The following CNTNAP4 variants were observed in gnomAD, a reference collection of about 807,000 sequenced individuals.
CNTNAP4 encodes the protein contactin associated protein family member 4.
Under a neutral mutation model 148.4 loss-of-function variants are expected in CNTNAP4, and 98 were observed. The observed-to-expected ratio is 0.66, with a 90% CI of 0.56 to 0.78. CNTNAP4 has a LOEUF of 0.78. CNTNAP4 is among the 30% of genes least tolerant of loss of function. The pLI, the probability that CNTNAP4 is intolerant of heterozygous loss-of-function variation, is 0.00. For missense variants in CNTNAP4, 1,935 were observed against 1,565.6 expected, an observed-to-expected ratio of 1.24 and a Z score of -3.98; for synonymous variants, 730 against 565.1, an observed-to-expected ratio of 1.29 and a Z score of -4.14.
At chr16:76,365,647 G>A (rs533651708) in intron 3 of CNTNAP4, among the ~76,000 whole-genome samples, 11 of 151,242 alleles carry the variant, frequency 7.3e-5, no homozygotes, top group East Asian at 5.9e-4. Flanking sequence ...AGCTACTTGC[G>A]AGGCTGAGGC....
At chr16:76,302,766 T>C (rs965421205) in intron 1 of CNTNAP4, among the ~76,000 whole-genome samples, 2 of 152,150 alleles carry the variant, frequency 1.3e-5, no homozygotes, top group African/African-American at 4.8e-5. Flanking sequence ...CCTAGGCCTA[T>C]ACAAGTGGCT....
At chr16:76,549,389 C>T (rs1568606589) in intron 21 of CNTNAP4, among the ~76,000 whole-genome samples, 1 of 152,092 alleles carries the variant, frequency 6.6e-6, no homozygotes, top group Admixed American at 6.5e-5. Flanking sequence ...TCCTGGTCCA[C>T]CCAGATCACC....
intron 2 of CNTNAP4, among the ~76,000 whole-genome samples, chr16:76,317,139 T>C (rs1047306649): frequency 1.3e-5 from 2 of 151,498 alleles, no homozygotes; most frequent in South Asian, 2.1e-4. Flanking sequence ...GATGCATGCC[T>C]GTAGTCCCAG....
intron 4 of CNTNAP4, chr16:76,432,673 G>A (rs4433831): frequency 0.36 from 54,546 of 152,036 alleles, 10,379 homozygotes; most frequent in Middle Eastern, 0.51. Flanking sequence ...ATGTCCTTAG[G>A]AAGCAGCAAT....
At chr16:76,318,114 G>T (rs1232353633) in intron 2 of CNTNAP4, among the ~76,000 whole-genome samples, 1 of 152,166 alleles carries the variant, frequency 6.6e-6, no homozygotes, top group African/African-American at 2.4e-5. Flanking sequence ...CTGTACCTAT[G>T]GACCCACCAG....
intron 3 of CNTNAP4, among the ~76,000 whole-genome samples, chr16:76,371,158 A>G (rs1194304269): frequency 6.6e-6 from 1 of 152,192 alleles, no homozygotes; most frequent in Non-Finnish European, 1.5e-5. Flanking sequence ...TTTGCTTTCT[A>G]TGTGGGAAAA....
In CNTNAP4 at chr16:76,558,176, G is replaced by T. The variant is rs149789329; in HGVS notation, c.3734-314G>T. The T allele has an allele frequency of 8.8e-3, 1,801 of 205,000 alleles. 44 individuals carry two copies. Among genetic ancestry groups the T allele is most frequent in the African/African-American group, 0.038 (1,679 of 43,732 alleles). The allele number at this position is 205,000 out of a possible 1,614,324, so 12.7% of individuals were successfully genotyped here. ...AAATAATTAAAACTAATATGAAGTGGCCACATGGCCACATGGTCCTAGAGA... is the reference window on the plus strand; with the variant it reads ...AAATAATTAAAACTAATATGAAGTGTCCACATGGCCACATGGTCCTAGAGA... On this transcript the variant is annotated intron_variant, in intron 23 of 23. Coordinates refer to ENST00000611870, the MANE Select transcript of CNTNAP4 (RefSeq NM_033401.5).
intron 3 of CNTNAP4, among the ~76,000 whole-genome samples, chr16:76,379,029 C>T (rs1271462964): frequency 1.3e-5 from 2 of 152,166 alleles, no homozygotes; most frequent in Non-Finnish European, 2.9e-5. Context: ...TCAGTTTCCT[C>T]ATCTGTAAAC....
chr16:76,506,698 A>G lies in CNTNAP4; in HGVS notation c.2365+8004A>G, dbSNP rs2082849756. 3.2e-5 allele frequency among the ~76,000 whole-genome samples: 3 copies of G among 93,168 alleles called. 1 individual carries two copies. Among genetic ancestry groups the G allele is most frequent in the African/African-American group, 7.9e-5 (3 of 37,990 alleles). The allele number at this position is 93,168 out of a possible 152,430, so 61.1% of individuals were successfully genotyped here. The stretch of plus-strand genomic sequence containing the variant: ...GTTGGCCAGGCTGGTGTCGAACCCC[A>G]GACCTCAAATGATCTGCCCACCTCG... On this transcript the variant is annotated intron_variant, in intron 15 of 23. Coordinates refer to ENST00000611870, the MANE Select transcript of CNTNAP4 (RefSeq NM_033401.5).
chr16:76,403,162 G>A (rs1354989324), intron 3 of CNTNAP4, among the ~76,000 whole-genome samples: 2 of 150,798 alleles, frequency 1.3e-5, no homozygotes, highest in Admixed American at 6.6e-5. Context: ...GCGCGATCTC[G>A]ACTCACTGCA....
chr16:76,281,107 A>G (rs1395794897), intron 1 of CNTNAP4, among the ~76,000 whole-genome samples: 2 of 152,116 alleles, frequency 1.3e-5, no homozygotes, highest in Non-Finnish European at 2.9e-5. Flanking sequence ...GCACTGAAGG[A>G]TAGATGAAGG....
intron 17 of CNTNAP4, among the ~76,000 whole-genome samples, chr16:76,528,224 T>C (rs576456975): frequency 6.6e-6 from 1 of 152,294 alleles, no homozygotes; most frequent in South Asian, 2.1e-4. Flanking sequence ...TGGGTCTATG[T>C]TGGTAATATT....
At chr16:76,333,542 A>G (rs994513996) in intron 2 of CNTNAP4, among the ~76,000 whole-genome samples, 1 of 152,108 alleles carries the variant, frequency 6.6e-6, no homozygotes, top group African/African-American at 2.4e-5. Flanking sequence ...CTTTGAGCGT[A>G]TTAAAGATAG....
Position 76,522,267 on chromosome 16 carries a change from C to G in CNTNAP4, c.2755+10C>G, listed in dbSNP as rs754526070. On this transcript the variant is annotated intron_variant, in intron 17 of 23. Transcript: ENST00000611870. ...AGTCAGCTCTTCGTGGGTAAGTTCT[C>G]TTTTTAAGCAATCATTTTATTGTAT... is the stretch of plus-strand genomic sequence containing the variant. The G allele has an allele frequency of 5.3e-5, 85 of 1,610,790 alleles. 1 individual carries two copies. Among genetic ancestry groups the G allele is most frequent in the South Asian group, 5.3e-4 (48 of 90,980 alleles).
chr16:76,315,194 G>A (rs1178360972), intron 1 of CNTNAP4, among the ~76,000 whole-genome samples: 1 of 148,572 alleles, frequency 6.7e-6, no homozygotes, highest in African/African-American at 2.5e-5. Context: ...TTGCTATTAT[G>A]AGCAACGTTG....
At position 76,385,547 on chromosome 16, in the gene CNTNAP4, A is replaced by AGTGTGTGT. The variant is rs3035895; in HGVS notation, c.390+30059_390+30066dup. Among the ~76,000 whole-genome samples the AGTGTGTGT allele has an allele frequency of 3.7e-3, 554 of 148,988 alleles. 3 individuals carry two copies. Among genetic ancestry groups the AGTGTGTGT allele is most frequent in the African/African-American group, 0.013 (533 of 40,584 alleles). ...TACAAAAATTAACACTTTAATTAGA[A>AGTGTGTGT]GTGTGTGTGTGTGTGTGTGTGTGTG... On this transcript the variant is annotated intron_variant, in intron 3 of 23. Coordinates refer to ENST00000611870, the MANE Select transcript of CNTNAP4 (RefSeq NM_033401.5).
At chr16:76,362,108 G>A (rs758671721) in intron 3 of CNTNAP4, among the ~76,000 whole-genome samples, 17 of 151,796 alleles carry the variant, frequency 1.1e-4, no homozygotes, top group African/African-American at 2.4e-4. Context: ...ACATACTAAC[G>A]ATAAATGATC....
chr16:76,390,574 TAA>T (rs10670094), intron 3 of CNTNAP4, among the ~76,000 whole-genome samples: 2 of 144,768 alleles, frequency 1.4e-5, no homozygotes, highest in Non-Finnish European at 1.5e-5. Flanking sequence ...AAATAACAGG[TAA>T]AAAAAAAAAA....
At chr16:76,497,320 T>A (rs1463628365) in intron 14 of CNTNAP4, among the ~76,000 whole-genome samples, 1 of 152,164 alleles carries the variant, frequency 6.6e-6, no homozygotes, top group Non-Finnish European at 1.5e-5. Context: ...TTCACATTGT[T>A]AAAAAACATA....
Sources: allele counts gnomAD v4.1 joint callset (sites outside exome capture counted in the v4.1 genomes callset), GRCh38; gene constraint gnomAD v4.1.1; transcripts MANE v1.5; gene names NCBI Gene and HGNC (gene_info 2026-07-23, HGNC 2026-07-21).